COL6A6: variants seen among roughly 807,000 people sequenced by gnomAD.
COL6A6 encodes collagen alpha-6(VI) chain.
A neutral mutation model predicts 208.6 loss-of-function variants in COL6A6; 183 were observed. The ratio of observed to expected loss-of-function variants is 0.88; its 90% CI spans 0.78 to 0.99. The LOEUF (loss-of-function observed/expected upper bound fraction) is 0.99, where lower values mean the gene tolerates loss of function less well. COL6A6 is among the 50% of genes least tolerant of loss of function. COL6A6 has a pLI of 0.00. For missense variants in COL6A6, 2,816 were observed against 2,815.2 expected, an observed-to-expected ratio of 1.00 and a Z score of -0.01; for synonymous variants, 973 against 1,011.8, an observed-to-expected ratio of 0.96 and a Z score of 0.73.
At chr3:130,586,690 T>G in intron 11 of COL6A6, 30 bp downstream of exon 11, 1 of 1,588,370 alleles carries the variant, frequency 6.3e-7, no homozygotes, top group South Asian at 1.2e-5. Context: ...CTGGTGAGCT[T>G]AAATTTTCAA....
Position 130,547,564 on chromosome 3 carries a change from G to A in COL6A6, c.-31-12770G>A, listed in dbSNP as rs1027232742. Among the ~76,000 whole-genome samples, 16 of 152,372 alleles carry A rather than the reference G, an allele frequency of 1.1e-4. No individual in the cohort carries two copies. In the East Asian group the frequency reaches 3.1e-3, roughly 29 times the overall value. Reference sequence around the variant, plus strand: ...CAAGCGTGGCCAGAGCAGATGCCGAGGCCGAGGAGGGGCTGAGAACGAGTG... The same window carrying A: ...CAAGCGTGGCCAGAGCAGATGCCGAAGCCGAGGAGGGGCTGAGAACGAGTG... On this transcript the variant is annotated intron_variant, in intron 1 of 36. Transcript: ENST00000358511.
Position 130,565,432 on chromosome 3 carries a change from T to C in COL6A6, c.1100T>C (p.Ile367Thr), listed in dbSNP as rs1210555871. ...REGVTIFTLG[I>T]EGASDTQLEK... is the part of the protein sequence containing the mutation. ...GGTGTGACCATCTTCACCCTGGGCA[T>C]AGAGGGCGCCAGCGACACCCAGTTG... is the stretch of plus-strand genomic sequence containing the variant. The change falls in exon 4 of 37, where the codon ATA (isoleucine) becomes ACA (threonine). Residue 367 changes from isoleucine to threonine, a missense_variant. Ile to Thr is a moderately conservative substitution (Grantham distance 89). Coordinates refer to ENST00000358511, the MANE Select transcript of COL6A6 (RefSeq NM_001102608.3). 3 of 1,613,508 alleles carry C rather than the reference T, an allele frequency of 1.9e-6. No homozygotes were observed. The highest frequency in any genetic ancestry group is 2.5e-6 in the Non-Finnish European group (3 of 1,179,814).
At chr3:130,637,733 T>A (rs2065198886) in intron 28 of COL6A6, among the ~76,000 whole-genome samples, 1 of 152,234 alleles carries the variant, frequency 6.6e-6, no homozygotes, top group South Asian at 2.1e-4. Context: ...CCTTGATTTT[T>A]TTTTCCTCAA....
At chr3:130,590,761 G>T (rs527782647) in intron 12 of COL6A6, among the ~76,000 whole-genome samples, 1 of 151,656 alleles carries the variant, frequency 6.6e-6, no homozygotes, top group Non-Finnish European at 1.5e-5. Context: ...TAGAGACGGG[G>T]TTTCACCGTG....
chr3:130,661,415 A>G (rs570834991), intron 34 of COL6A6, among the ~76,000 whole-genome samples: 3 of 152,334 alleles, frequency 2.0e-5, no homozygotes, highest in East Asian at 1.9e-4. Flanking sequence ...AAAGTCTGAT[A>G]GCATTAGTAA....
At chr3:130,602,988 G>C (rs2064070952) in intron 20 of COL6A6, among the ~76,000 whole-genome samples, 1 of 152,188 alleles carries the variant, frequency 6.6e-6, no homozygotes, top group African/African-American at 2.4e-5. Context: ...TGAGCATGGA[G>C]GACTTGTCAG....
At chr3:130,637,595 A>T (rs748607905) in intron 28 of COL6A6, among the ~76,000 whole-genome samples, 15 of 152,192 alleles carry the variant, frequency 9.9e-5, no homozygotes, top group Non-Finnish European at 7.3e-5. Context: ...GAAAATATCC[A>T]GGTTTTCCCT....
intron 1 of COL6A6, among the ~76,000 whole-genome samples, chr3:130,544,284 C>T (rs1008246018): frequency 2.6e-5 from 4 of 152,146 alleles, no homozygotes; most frequent in Non-Finnish European, 5.9e-5. Flanking sequence ...TTCTGGTTTA[C>T]TTCACTTAGC....
At chr3:130,602,823 TGGA>T (rs1377921856) in intron 20 of COL6A6, among the ~76,000 whole-genome samples, 4 of 152,204 alleles carry the variant, frequency 2.6e-5, no homozygotes, top group Non-Finnish European at 5.9e-5. Context: ...TATTTCTAGA[TGGA>T]GGAGTTGGGT....
intron 33 of COL6A6, among the ~76,000 whole-genome samples, chr3:130,652,806 G>A (rs1276798300): frequency 6.6e-6 from 1 of 152,076 alleles, no homozygotes; most frequent in Admixed American, 6.5e-5. Context: ...CATTTTTATT[G>A]TGGGTCCACA....
chr3:130,610,202 T>A (rs893236314), intron 22 of COL6A6, among the ~76,000 whole-genome samples: 4 of 152,168 alleles, frequency 2.6e-5, no homozygotes, highest in Non-Finnish European at 5.9e-5. Flanking sequence ...CAGTATAATA[T>A]TCCAAAAGTA....
intron 36 of COL6A6, among the ~76,000 whole-genome samples, chr3:130,674,363 C>T (rs77597225): frequency 1.3e-5 from 2 of 152,164 alleles, no homozygotes; most frequent in South Asian, 4.1e-4. Context: ...CAGACAGGCT[C>T]TAAGTTCTAC....
chr3:130,649,128 G>A lies in COL6A6; in HGVS notation c.5299G>A (p.Asp1767Asn). Residue 1767 changes from aspartate to asparagine, a missense_variant, in exon 33 of 37, where the codon GAT (aspartate) becomes AAT (asparagine). Transcript: ENST00000358511. ...GGTGTTTGCCCTGGACCACTCCCGG[G>A]ATGTCACTGAGCAGGAATTTGAGCG... is the stretch of plus-strand genomic sequence containing the variant. ...ELVFALDHSR[D>N]VTEQEFERMK... The A allele has an allele frequency of 1.3e-6, 2 of 1,583,412 alleles. No individual in the cohort carries two copies. Among genetic ancestry groups the A allele is most frequent in the South Asian group, 1.2e-5 (1 of 86,352 alleles).
chr3:130,671,611 T>C (rs981589352), intron 36 of COL6A6, among the ~76,000 whole-genome samples: 11 of 152,162 alleles, frequency 7.2e-5, no homozygotes, highest in Admixed American at 1.3e-4. Context: ...TGAGGCACAA[T>C]TGAACACACA....
At chr3:130,635,540 T>TA (rs1468732027) in intron 27 of COL6A6, among the ~76,000 whole-genome samples, 159 bp from the exon 28 acceptor site, 1 of 152,220 alleles carries the variant, frequency 6.6e-6, no homozygotes, top group East Asian at 1.9e-4. Context: ...TGTAGAGAGT[T>TA]ACACAAATGG....
chr3:130,555,094 G>C (rs1439995914), intron 1 of COL6A6, among the ~76,000 whole-genome samples: 2 of 152,122 alleles, frequency 1.3e-5, no homozygotes, highest in South Asian at 4.2e-4. Context: ...TTAGGGCGTG[G>C]GCATTCTGGC....
intron 11 of COL6A6, 41 bp from the exon 12 acceptor site, chr3:130,589,049 C>G (rs1321168907): frequency 6.8e-7 from 1 of 1,477,034 alleles, no homozygotes; most frequent in Admixed American, 1.7e-5. Context: ...ATTTGGGAAG[C>G]AATACCACCA....
intron 18 of COL6A6, among the ~76,000 whole-genome samples, chr3:130,597,582 A>T (rs1463496827): frequency 6.6e-6 from 1 of 152,150 alleles, no homozygotes; most frequent in Non-Finnish European, 1.5e-5. Context: ...AGTTTATTGG[A>T]GCATTGACTG....
chr3:130,566,988 G>C lies in COL6A6; in HGVS notation c.1569G>C (p.Leu523=). The change falls in exon 5 of 37, where the codon CTG becomes CTC. Residue 523 remains leucine, a synonymous_variant. Coordinates refer to ENST00000358511, the MANE Select transcript of COL6A6 (RefSeq NM_001102608.3). The stretch of plus-strand genomic sequence containing the variant: ...CAGGCGCAGCACTGAATTTCACACT[G>C]AGTCTGTTGCAAAAAGCAAAGAAGC... The part of the protein sequence containing the change: ...TNTGAALNFT[L]SLLQKAKKQR... 1 of 1,614,040 alleles carries C rather than the reference G, an allele frequency of 6.2e-7. No homozygotes were observed. The highest frequency in any genetic ancestry group is 8.5e-7 in the Non-Finnish European group (1 of 1,179,892).
Sources: gnomAD v4.1 joint callset for allele counts (sites outside exome capture counted in the v4.1 genomes callset) on GRCh38, gnomAD v4.1.1 for gene constraint, MANE v1.5 for transcripts, NCBI Gene and HGNC (gene_info 2026-07-23, HGNC 2026-07-21) for gene names.